PRKAG2: variants seen among roughly 807,000 people sequenced by gnomAD.
PRKAG2 encodes the protein protein kinase AMP-activated non-catalytic subunit gamma 2.
PRKAG2 carries 26 observed loss-of-function variants against 69.6 expected under a neutral mutation model. The observed-to-expected ratio is 0.37, with a 90% confidence interval of 0.27 to 0.52. The LOEUF (loss-of-function observed/expected upper bound fraction) is 0.52, where lower values mean the gene tolerates loss of function less well. PRKAG2 is among the 20% of genes least tolerant of loss of function. PRKAG2 has a pLI of 0.90. For synonymous variants in PRKAG2, 293 were observed against 285.0 expected (o/e 1.03, Z -0.28); for missense variants, 557 against 740.0 (o/e 0.75, Z 2.87).
At chr7:151,713,736 C>T (rs1333402111) in intron 3 of PRKAG2, among the ~76,000 whole-genome samples, 2 of 152,032 alleles carry the variant, frequency 1.3e-5, no homozygotes, top group African/African-American at 4.8e-5. Context: ...CAGGCCACCA[C>T]ACCCAGTTAA....
intron 1 of PRKAG2, among the ~76,000 whole-genome samples, chr7:151,872,287 G>C (rs895027297): frequency 2.6e-5 from 4 of 152,132 alleles, no homozygotes; most frequent in East Asian, 1.9e-4. Context: ...CCTTACCCTG[G>C]GGGGGGGCTT....
Position 151,786,475 on chromosome 7 carries a change from G to A in PRKAG2, c.181C>T (p.Arg61Ter), listed in dbSNP as rs770100112. Residue 61 changes from arginine (R) to a stop codon, truncating the protein, a stop_gained, in exon 2 of 16, where the codon CGA becomes TGA. Transcript: ENST00000287878. LOFTEE classifies it high-confidence loss of function. ...TTCTGGAAAGGAGGTCTTACCTTTC[G>A]AGAGGAATGCTTTCCGGAACCCTCC... Reference protein sequence around the residue: ...DLEGSGKHSSRKVDSPFGPGS... With the variant: ...DLEGSGKHSS 11 of 1,611,528 alleles carry A rather than the reference G, an allele frequency of 6.8e-6. No homozygotes were observed. Among genetic ancestry groups the A allele is most frequent in the Admixed American group, 1.7e-5 (1 of 59,782 alleles).
At chr7:151,859,177 C>A (rs1012517462) in intron 1 of PRKAG2, among the ~76,000 whole-genome samples, 4 of 152,258 alleles carry the variant, frequency 2.6e-5, no homozygotes, top group South Asian at 4.1e-4. Context: ...CTGTGTGCAT[C>A]GTCCTGTGAT....
chr7:151,559,590 A>G, intron 15 of PRKAG2: 1 of 985,364 alleles, frequency 1.0e-6, no homozygotes, highest in Non-Finnish European at 1.2e-6. Context: ...CATTTAGCGA[A>G]TAAGACATGT....
intron 1 of PRKAG2, among the ~76,000 whole-genome samples, chr7:151,856,474 G>T (rs370703656): frequency 6.6e-6 from 1 of 152,212 alleles, no homozygotes; most frequent in Non-Finnish European, 1.5e-5. Context: ...ACGAAAAGAC[G>T]TCCTGCAGGG....
intron 3 of PRKAG2, among the ~76,000 whole-genome samples, chr7:151,713,628 A>G (rs938410631): frequency 2.7e-5 from 4 of 147,486 alleles, no homozygotes; most frequent in Non-Finnish European, 4.4e-5. Flanking sequence ...TCTGTTGCCC[A>G]GGCCGGAGTG....
intron 1 of PRKAG2, among the ~76,000 whole-genome samples, chr7:151,846,443 G>A (rs2079434318): frequency 7.8e-6 from 1 of 128,514 alleles, no homozygotes; most frequent in African/African-American, 3.2e-5. Flanking sequence ...ACTCCAGCCT[G>A]ACGACAGAAA....
chr7:151,773,254 G>C (rs536472639), intron 3 of PRKAG2, among the ~76,000 whole-genome samples: 1 of 151,100 alleles, frequency 6.6e-6, no homozygotes, highest in Non-Finnish European at 1.5e-5. Flanking sequence ...AAGAAGGAAA[G>C]AAAGAAAGAA....
intron 9 of PRKAG2, among the ~76,000 whole-genome samples, chr7:151,571,055 G>A (rs1444097032): frequency 6.6e-6 from 1 of 150,678 alleles, no homozygotes; most frequent in Non-Finnish European, 1.5e-5. Flanking sequence ...ACAGGCATGA[G>A]GTCCTGTGCC....
chr7:151,635,595 T>G (rs1825594767), intron 4 of PRKAG2, among the ~76,000 whole-genome samples: 1 of 152,124 alleles, frequency 6.6e-6, no homozygotes, highest in African/African-American at 2.4e-5. Context: ...TCCTAAAACG[T>G]CATATACTGT....
intron 3 of PRKAG2, among the ~76,000 whole-genome samples, chr7:151,696,441 T>G (rs912704485): frequency 2.0e-5 from 3 of 152,162 alleles, no homozygotes; most frequent in Non-Finnish European, 2.9e-5. Flanking sequence ...CTGGGGCAGG[T>G]GAGGAAGTGA....
Position 151,756,644 on chromosome 7 carries a change from A to G in PRKAG2, c.466+24508T>C, listed in dbSNP as rs1350120522. On this transcript the variant is annotated intron_variant, in intron 3 of 15. Transcript: ENST00000287878. This position sits in a 1 kb window ranked among gnomAD's most constrained non-coding sequence, Gnocchi z 4.9. ...CCCCTTTGGCTCCCGTTCCTGCCAG[A>G]CAGACCAACTGCAGCTCCTGGTTCC... 3.3e-5 allele frequency among the ~76,000 whole-genome samples: 5 copies of G among 152,190 alleles called. No individual in the cohort carries two copies. Among genetic ancestry groups the G allele is most frequent in the African/African-American group, 1.2e-4 (5 of 41,452 alleles).
At chr7:151,666,150 A>G (rs1192274633) in intron 4 of PRKAG2, among the ~76,000 whole-genome samples, 1 of 152,258 alleles carries the variant, frequency 6.6e-6, no homozygotes, top group African/African-American at 2.4e-5. Context: ...GGCTTCAGAC[A>G]ACAATAATTT....
chr7:151,605,196 T>C (rs1445932656), intron 5 of PRKAG2, among the ~76,000 whole-genome samples: 2 of 151,668 alleles, frequency 1.3e-5, no homozygotes, highest in Admixed American at 6.6e-5. Context: ...CTTGTATTTT[T>C]AGTAGAGACG....
intron 6 of PRKAG2, among the ~76,000 whole-genome samples, chr7:151,592,027 C>A (rs1445654262): frequency 1.3e-5 from 2 of 152,132 alleles, no homozygotes; most frequent in Admixed American, 1.3e-4. Context: ...TGCACAGCGA[C>A]CCTCTCTCGC....
chr7:151,587,373 C>T (rs1384286973), intron 6 of PRKAG2, among the ~76,000 whole-genome samples: 4 of 152,160 alleles, frequency 2.6e-5, no homozygotes, highest in South Asian at 4.1e-4. Context: ...AACTAACTCA[C>T]GTAGCTGCTC....
chr7:151,628,096 C>A (rs1860737), intron 5 of PRKAG2, among the ~76,000 whole-genome samples: 16,549 of 152,242 alleles, frequency 0.11, 1,011 homozygotes, highest in Middle Eastern at 0.12. Flanking sequence ...TGCTAAGAAG[C>A]GGGTAAAATC....
chr7:151,666,464 G>A (rs1831061016), intron 4 of PRKAG2, among the ~76,000 whole-genome samples: 1 of 152,202 alleles, frequency 6.6e-6, no homozygotes, highest in African/African-American at 2.4e-5. Context: ...AACTTCTGTT[G>A]TTTAAGCTGC....
intron 3 of PRKAG2, among the ~76,000 whole-genome samples, chr7:151,758,779 G>A (rs34598471): frequency 0.047 from 7,176 of 152,310 alleles, 246 homozygotes; most frequent in Non-Finnish European, 0.07. Flanking sequence ...AAGTTATCAC[G>A]AGAGAACACA....
Sources: allele counts gnomAD v4.1 joint callset (sites outside exome capture counted in the v4.1 genomes callset), GRCh38; gene constraint gnomAD v4.1.1; non-coding constraint Gnocchi (gnomAD v3.1); transcripts MANE v1.5; gene names NCBI Gene and HGNC (gene_info 2026-07-23, HGNC 2026-07-21).